Variants in NECAB1 observed in about 807,000 individuals in gnomAD.
NECAB1 encodes N-terminal EF-hand calcium-binding protein 1.
In NECAB1, 29 loss-of-function variants were observed where a neutral mutation model predicts 57.5. The ratio of observed to expected loss-of-function variants is 0.50; its 90% CI spans 0.38 to 0.69. The LOEUF is 0.69. Ranked by LOEUF, NECAB1 falls within the 30% of genes least tolerant of loss-of-function variation. The probability of loss-of-function intolerance (pLI) is 0.00; values close to 1 mark genes in which losing one functional copy is unlikely to be tolerated. For synonymous variants in NECAB1, 142 were observed against 147.7 expected (o/e 0.96, Z 0.28); for missense variants, 372 against 413.8 (o/e 0.90, Z 0.88).
At chr8:90,867,762 A>G (rs898942442) in intron 3 of NECAB1, among the ~76,000 whole-genome samples, 1 of 152,232 alleles carries the variant, frequency 6.6e-6, no homozygotes, top group Non-Finnish European at 1.5e-5. Flanking sequence ...TAGAAGTTCA[A>G]ATATTTCTTC....
chr8:90,825,822 G>A (rs1010506185), intron 3 of NECAB1, among the ~76,000 whole-genome samples: 14 of 151,816 alleles, frequency 9.2e-5, no homozygotes, highest in Admixed American at 2.0e-4. Context: ...TAAGTATTTT[G>A]TTGACAGAAA....
intron 3 of NECAB1, among the ~76,000 whole-genome samples, chr8:90,869,973 G>A (rs1401816455): frequency 6.6e-6 from 1 of 152,120 alleles, no homozygotes; most frequent in African/African-American, 2.4e-5. Context: ...GGACGTGATT[G>A]GGTCATGGGG....
chr8:90,928,975 A>AAATGTGTT (rs368336829), intron 8 of NECAB1, among the ~76,000 whole-genome samples: 5 of 152,176 alleles, frequency 3.3e-5, no homozygotes, highest in African/African-American at 1.2e-4. Context: ...AGTAAGAAAA[A>AAATGTGTT]AATGTGTTTT....
intron 8 of NECAB1, among the ~76,000 whole-genome samples, chr8:90,930,913 A>G (rs1810387877): frequency 6.6e-6 from 1 of 152,244 alleles, no homozygotes; most frequent in South Asian, 2.1e-4. Context: ...ATTTAAAAAT[A>G]CAAATACCTC....
intron 3 of NECAB1, among the ~76,000 whole-genome samples, chr8:90,860,400 T>A (rs1176166083): frequency 6.6e-6 from 1 of 152,106 alleles, no homozygotes; most frequent in Admixed American, 6.6e-5. Flanking sequence ...CCAATACATT[T>A]AAAAACTTAT....
chr8:90,877,849 C>G (rs1328485224), intron 4 of NECAB1, among the ~76,000 whole-genome samples: 2 of 152,158 alleles, frequency 1.3e-5, no homozygotes, highest in Non-Finnish European at 2.9e-5. Context: ...TGTTCCAGCC[C>G]TGTTCTTTAT....
chr8:90,927,591 C>T lies in NECAB1; in HGVS notation c.617-632C>T, dbSNP rs554539047. Among the ~76,000 whole-genome samples the T allele has an allele frequency of 4.8e-5, 7 of 146,376 alleles. No homozygotes were observed. In the South Asian group the frequency reaches 8.7e-4, roughly 18 times the overall value. On this transcript the variant is annotated intron_variant, in intron 7 of 12. Coordinates refer to ENST00000417640, the MANE Select transcript of NECAB1 (RefSeq NM_022351.5). The stretch of plus-strand genomic sequence containing the variant: ...AATAATAGTAGCAGAACTTCTATAA[C>T]GTTTAACTTGGTGCTAGATACACAC...
At chr8:90,809,762 CTAGTAA>C (rs567795613) in intron 2 of NECAB1, among the ~76,000 whole-genome samples, 205 of 152,200 alleles carry the variant, frequency 1.3e-3, no homozygotes, top group African/African-American at 4.7e-3. Context: ...ATCTGTTGAT[CTAGTAA>C]TAAGTGATAT....
At chr8:90,883,362 T>C (rs1808889228) in intron 5 of NECAB1, among the ~76,000 whole-genome samples, 1 of 152,246 alleles carries the variant, frequency 6.6e-6, no homozygotes, top group Non-Finnish European at 1.5e-5. Flanking sequence ...CAAGCCACTG[T>C]TGAATAGACA....
At chr8:90,929,117 T>A (rs181544138) in intron 8 of NECAB1, among the ~76,000 whole-genome samples, 16 of 152,306 alleles carry the variant, frequency 1.1e-4, no homozygotes, top group African/African-American at 3.9e-4. Flanking sequence ...ACAGACTTTT[T>A]AAAAATTATA....
At chr8:90,824,961 T>C in intron 3 of NECAB1, 136 bp downstream of exon 3, 1 of 414,140 alleles carries the variant, frequency 2.4e-6, no homozygotes, top group Admixed American at 4.4e-5. Flanking sequence ...AATTCTGAGA[T>C]ACCTCTTTAG....
At chr8:90,893,541 C>A (rs529540715) in intron 5 of NECAB1, among the ~76,000 whole-genome samples, 34 of 152,238 alleles carry the variant, frequency 2.2e-4, no homozygotes, top group Non-Finnish European at 3.7e-4. Context: ...GATGGGTGTC[C>A]CTTCCAAGGG....
intron 2 of NECAB1, among the ~76,000 whole-genome samples, chr8:90,815,907 A>C (rs982400995): frequency 6.6e-6 from 1 of 151,942 alleles, no homozygotes; most frequent in Non-Finnish European, 1.5e-5. Context: ...AAGTGGAAAA[A>C]ATTTTCAAAT....
At chr8:90,949,735 A>G (rs1810888237) in intron 10 of NECAB1, 72 bp from the exon 11 acceptor site, 7 of 805,386 alleles carry the variant, frequency 8.7e-6, no homozygotes, top group South Asian at 1.6e-5. Flanking sequence ...CATACTACAT[A>G]TGGATATTAG....
chr8:90,872,266 G>T, intron 4 of NECAB1, 113 bp downstream of exon 4: 1 of 841,068 alleles, frequency 1.2e-6, no homozygotes, highest in South Asian at 2.1e-5. Context: ...AGTTCACAAA[G>T]GAAAAATTAA....
At chr8:90,801,368 A>T (rs1221619886) in intron 1 of NECAB1, among the ~76,000 whole-genome samples, 1 of 152,196 alleles carries the variant, frequency 6.6e-6, no homozygotes, top group Non-Finnish European at 1.5e-5. Context: ...ATTATTTTGC[A>T]TCTAGGTTTT....
chr8:90,955,603 C>T lies in NECAB1; in HGVS notation c.*91C>T. ...TAGAAAATTATCTGCGGTTGTTAAT[C>T]TACTGTATATTTTTGTTTGGTATAT... On this transcript the variant is annotated 3_prime_UTR_variant, in exon 13 of 13. Coordinates refer to ENST00000417640, the MANE Select transcript of NECAB1 (RefSeq NM_022351.5). 1.0e-6 allele frequency: 1 copy of T among 967,218 alleles called. No homozygotes were observed. Among genetic ancestry groups the T allele is most frequent in the South Asian group, 1.7e-5 (1 of 59,388 alleles). 59.9% of individuals were successfully genotyped at this position (967,218 alleles called of 1,614,324 possible). A position where few individuals can be genotyped will look rare whatever the true frequency, so the allele number is the denominator to read the frequency against.
At chr8:90,908,482 T>G (rs923818538) in intron 5 of NECAB1, among the ~76,000 whole-genome samples, 1 of 152,102 alleles carries the variant, frequency 6.6e-6, no homozygotes, top group South Asian at 2.1e-4. Context: ...GTGTTAAAAA[T>G]TACTAATTTG....
In NECAB1 at chr8:90,956,935, C is replaced by T. The variant is rs1048225743; in HGVS notation, c.*1423C>T. The T allele has an allele frequency of 1.4e-5, 2 of 142,760 alleles. No homozygotes were observed. The highest frequency in any genetic ancestry group is 5.4e-5 in the African/African-American group (2 of 37,250). The allele number at this position is 142,760 out of a possible 1,614,324, so 8.8% of individuals were successfully genotyped here. On this transcript the variant is annotated 3_prime_UTR_variant, in exon 13 of 13. Transcript: ENST00000417640. ...AAGTAGTAAATTTTGATATATTGTA[C>T]ATACACACGTGTGTGTGTGTGTGTG... is the stretch of plus-strand genomic sequence containing the variant.
Sources: allele counts gnomAD v4.1 joint callset (sites outside exome capture counted in the v4.1 genomes callset), GRCh38; gene constraint gnomAD v4.1.1; transcripts MANE v1.5; gene names NCBI Gene and HGNC (gene_info 2026-07-23, HGNC 2026-07-21).